B3GALNT1: variants seen among roughly 807,000 people sequenced by gnomAD.
B3GALNT1 encodes beta-1,3-N-acetylgalactosaminyltransferase 1 (Globoside blood group).
B3GALNT1 carries 17 observed loss-of-function variants against 27.3 expected under a neutral mutation model. The ratio of observed to expected loss-of-function variants is 0.62; its 90% confidence interval spans 0.43 to 0.94. B3GALNT1 has a LOEUF of 0.94. B3GALNT1 is among the 40% of genes least tolerant of loss of function. The pLI is 0.00. For synonymous variants in B3GALNT1, 141 were observed against 144.0 expected (o/e 0.98, Z 0.15); for missense variants, 347 against 390.0 (o/e 0.89, Z 0.93).
chr3:161,089,929 C>T (rs1166125492), intron 4 of B3GALNT1: 1 of 180,878 alleles, frequency 5.5e-6, no homozygotes, highest in Admixed American at 5.6e-5. Context: ...ATTAGCCAGG[C>T]ATGGTGGTGC....
chr3:161,098,772 A>C (rs1729600500), intron 4 of B3GALNT1, among the ~76,000 whole-genome samples: 1 of 152,218 alleles, frequency 6.6e-6, no homozygotes, highest in South Asian at 2.1e-4. Context: ...AATAACCCTG[A>C]ATAAGTTGCT....
Position 161,104,352 on chromosome 3 carries a change from A to G in B3GALNT1, c.-254T>C, listed in dbSNP as rs1442495139. The G allele has an allele frequency of 7.8e-7, 1 of 1,289,528 alleles. No homozygotes were observed. Among genetic ancestry groups the G allele is most frequent in the African/African-American group, 1.5e-5 (1 of 65,828 alleles). The allele number at this position is 1,289,528 out of a possible 1,614,324, so 79.9% of individuals were successfully genotyped here. On this transcript the variant is annotated 5_prime_UTR_variant, in exon 2 of 5. Transcript: ENST00000320474. ...ACAGAAAAAAAGACATGGTTTGGCA[A>G]TTTCTTCCTTGATAGCTTTTCCCAC...
intron 3 of B3GALNT1, among the ~76,000 whole-genome samples, chr3:161,102,613 C>T (rs7650089): frequency 6.6e-6 from 1 of 152,154 alleles, no homozygotes; most frequent in Admixed American, 6.5e-5. Flanking sequence ...GAGATGTTTG[C>T]CAAACAGCCT....
rs1722203838 is a variant in B3GALNT1, at chr3:161,086,702, A to AGG, written c.51_52dup (p.Leu18ProfsTer12). On this transcript the variant is annotated frameshift_variant, in exon 5 of 5. Transcript: ENST00000320474. LOFTEE classifies it high-confidence loss of function. The stretch of plus-strand genomic sequence containing the variant: ...TGACAGCAGCAGGAGGCTCCATTTG[A>AGG]GGGATCTCAGTGACATCCTACTCGG... The AGG allele has an allele frequency of 6.2e-7, 1 of 1,614,102 alleles. No individual in the cohort carries two copies.
At chr3:161,103,380 T>G in intron 3 of B3GALNT1, 47 bp downstream of exon 3, 6 of 989,196 alleles carry the variant, frequency 6.1e-6, no homozygotes, top group Non-Finnish European at 8.3e-6. Context: ...TTATGGGCAT[T>G]TTTAACCAAT....
rs77267385 is a variant in B3GALNT1, at chr3:161,099,501, T to G, written c.-35+1638A>C. ...AGTTTAGCTGAGTATGAGTCCAATATGATAAAAGGTGGTGAAGTAAAGGAA... is the reference window on the plus strand; with the variant it reads ...AGTTTAGCTGAGTATGAGTCCAATAGGATAAAAGGTGGTGAAGTAAAGGAA... On this transcript the variant is annotated intron_variant, in intron 4 of 4. Coordinates refer to ENST00000320474, the MANE Select transcript of B3GALNT1 (RefSeq NM_003781.4). Among the ~76,000 whole-genome samples, 11 of 152,148 alleles carry G rather than the reference T, an allele frequency of 7.2e-5. No individual in the cohort carries two copies. The East Asian group carries it at 1.9e-3, about 27-fold the overall frequency.
At chr3:161,101,339 G>A in intron 3 of B3GALNT1, 106 bp from the exon 4 acceptor site, 1 of 588,334 alleles carries the variant, frequency 1.7e-6, no homozygotes, top group South Asian at 1.5e-5. Context: ...ATCCACTGGA[G>A]GAAGAGTATC....
intron 4 of B3GALNT1, among the ~76,000 whole-genome samples, chr3:161,087,656 A>C (rs1040073198): frequency 6.6e-6 from 1 of 152,204 alleles, no homozygotes; most frequent in Non-Finnish European, 1.5e-5. Flanking sequence ...CAGCTGAGAC[A>C]AGAGGAGGCA....
At chr3:161,093,578 C>T (rs4465984) in intron 4 of B3GALNT1, among the ~76,000 whole-genome samples, 30,430 of 151,938 alleles carry the variant, frequency 0.2, 3,116 homozygotes, top group East Asian at 0.26. Flanking sequence ...ACAATATTGA[C>T]GAATAGAAAA....
rs148395014 is a variant in B3GALNT1 at position 161,103,483 on chromosome 3, T to C, written c.-186A>G. On this transcript the variant is annotated 5_prime_UTR_variant, in exon 3 of 5. The change abolishes an upstream ATG in the 5' untranslated region. Transcript: ENST00000320474. ...GTTTTTTGTTGTTTTCTGTATTCCA[T>C]GCTTAATTAAAACACTCAGATCTGT... 212 of 1,283,224 alleles carry C rather than the reference T, an allele frequency of 1.7e-4. No homozygotes were observed. The African/African-American group carries it at 3.0e-3, about 18-fold the overall frequency. 79.5% of individuals were successfully genotyped at this position (1,283,224 alleles called of 1,614,324 possible).
In B3GALNT1 at chr3:161,101,239, G is replaced by C. The variant is rs936663958; in HGVS notation, c.-129-6C>G. On this transcript the variant is annotated splice_region_variant and splice_polypyrimidine_tract_variant and intron_variant, in intron 3 of 4. Transcript: ENST00000320474. ...GGTCCAGGGAGCTAAGAAAACTGGA[G>C]CAGAGCAAAGATCACAAAGTCAGGC... 11 of 1,288,642 alleles carry C rather than the reference G, an allele frequency of 8.5e-6. No homozygotes were observed. In the African/African-American group the frequency reaches 1.5e-4, roughly 18 times the overall value. 79.8% of individuals were successfully genotyped at this position (1,288,642 alleles called of 1,614,324 possible).
At chr3:161,101,900 G>A (rs766066596) in intron 3 of B3GALNT1, among the ~76,000 whole-genome samples, 3 of 152,178 alleles carry the variant, frequency 2.0e-5, no homozygotes, top group Admixed American at 6.5e-5. Context: ...CCAGATATGA[G>A]ATATGGTTTG....
At position 161,101,167 on chromosome 3, in the gene B3GALNT1, G is replaced by C. The variant is rs781700898; in HGVS notation, c.-63C>G. ...TACACTCGGGGTGAGTAGTCGGAGAGCACCACGTGATAGAGCAGCCAGCGG... is the reference window on the plus strand; with the variant it reads ...TACACTCGGGGTGAGTAGTCGGAGACCACCACGTGATAGAGCAGCCAGCGG... On this transcript the variant is annotated 5_prime_UTR_variant, in exon 4 of 5. Coordinates refer to ENST00000320474, the MANE Select transcript of B3GALNT1 (RefSeq NM_003781.4). The C allele has an allele frequency of 1.6e-6, 2 of 1,289,870 alleles. No homozygotes were observed. The highest frequency in any genetic ancestry group is 2.0e-6 in the Non-Finnish European group (2 of 988,880). The allele number at this position is 1,289,870 out of a possible 1,614,324, so 79.9% of individuals were successfully genotyped here. A position where few individuals can be genotyped will look rare whatever the true frequency, so the allele number is the denominator to read the frequency against.
At chr3:161,091,989 G>A (rs1364783308) in intron 4 of B3GALNT1, among the ~76,000 whole-genome samples, 1 of 152,110 alleles carries the variant, frequency 6.6e-6, no homozygotes, top group African/African-American at 2.4e-5. Context: ...TTAGTTGCAA[G>A]AACTGAAAAA....
At chr3:161,102,837 A>T (rs910763737) in intron 3 of B3GALNT1, among the ~76,000 whole-genome samples, 5 of 152,196 alleles carry the variant, frequency 3.3e-5, no homozygotes, top group African/African-American at 1.2e-4. Context: ...TTCCCAAAAG[A>T]GGGTTCTACC....
chr3:161,093,390 A>C (rs1726350734), intron 4 of B3GALNT1, among the ~76,000 whole-genome samples: 2 of 152,206 alleles, frequency 1.3e-5, no homozygotes, highest in Admixed American at 1.3e-4. Context: ...CTCTGTGTTC[A>C]TAGCATGTGT....
intron 4 of B3GALNT1, among the ~76,000 whole-genome samples, chr3:161,092,924 A>C (rs1029924954): frequency 4.0e-5 from 6 of 151,632 alleles, no homozygotes; most frequent in African/African-American, 1.5e-4. Context: ...CGCCCGGCTA[A>C]TTTTTTGTAT....
At chr3:161,102,351 T>G (rs558147934) in intron 3 of B3GALNT1, among the ~76,000 whole-genome samples, 1 of 152,002 alleles carries the variant, frequency 6.6e-6, no homozygotes, top group Non-Finnish European at 1.5e-5. Flanking sequence ...ATTCAAGGAG[T>G]GCAGGTTATC....
At chr3:161,102,267 C>G (rs1342483577) in intron 3 of B3GALNT1, among the ~76,000 whole-genome samples, 1 of 152,154 alleles carries the variant, frequency 6.6e-6, no homozygotes, top group African/African-American at 2.4e-5. Flanking sequence ...TACCTGTGTT[C>G]AGAGTCAGAA....
Sources: allele counts gnomAD v4.1 joint callset (sites outside exome capture counted in the v4.1 genomes callset), GRCh38; gene constraint gnomAD v4.1.1; transcripts MANE v1.5; gene names NCBI Gene and HGNC (gene_info 2026-07-23, HGNC 2026-07-21).